PTPRQ: variants seen among roughly 807,000 people sequenced by gnomAD.
The protein encoded by PTPRQ is phosphatidylinositol phosphatase PTPRQ.
Under a neutral mutation model 246.0 loss-of-function variants are expected in PTPRQ, and 199 were observed. The observed-to-expected ratio is 0.81, with a 90% confidence interval of 0.72 to 0.91. The LOEUF is 0.91. Among genes scored for constraint, PTPRQ ranks in the 40% least tolerant of loss-of-function variants. The pLI is 0.00. For synonymous variants in PTPRQ, 869 were observed against 853.2 expected (o/e 1.02, Z -0.32); for missense variants, 2,624 against 2,528.4 (o/e 1.04, Z -0.81).
At chr12:80,640,702 A>G (rs779621290) in intron 35 of PTPRQ, among the ~76,000 whole-genome samples, 1 of 152,130 alleles carries the variant, frequency 6.6e-6, no homozygotes, top group Non-Finnish European at 1.5e-5. Context: ...AAAATACATA[A>G]TATTGAACAT....
chr12:80,594,519 T>C (rs1253581687), intron 26 of PTPRQ, among the ~76,000 whole-genome samples: 1 of 152,184 alleles, frequency 6.6e-6, no homozygotes, highest in Non-Finnish European at 1.5e-5. Flanking sequence ...ATTTCTGTCC[T>C]CTAGGCCCGA....
intron 26 of PTPRQ, among the ~76,000 whole-genome samples, chr12:80,600,168 T>C (rs574029380): frequency 9.1e-4 from 138 of 151,978 alleles, no homozygotes; most frequent in African/African-American, 3.2e-3. Context: ...TGCTTTTTTA[T>C]AATGATTGAT....
intron 17 of PTPRQ, among the ~76,000 whole-genome samples, chr12:80,514,584 T>A (rs1193375832): frequency 7.2e-6 from 1 of 138,478 alleles, no homozygotes; most frequent in Non-Finnish European, 1.5e-5. Context: ...ATATATATAT[T>A]ATATAATATA....
At chr12:80,591,617 T>C (rs1029290836) in intron 26 of PTPRQ, among the ~76,000 whole-genome samples, 10 of 152,214 alleles carry the variant, frequency 6.6e-5, no homozygotes, top group African/African-American at 2.4e-4. Context: ...TTCAGTTTAC[T>C]TTGGGGTTAG....
At chr12:80,670,269 C>T (rs2121284572) in intron 41 of PTPRQ, 75 bp from the exon 42 acceptor site, 1 of 1,515,630 alleles carries the variant, frequency 6.6e-7, no homozygotes, top group East Asian at 2.6e-5. Flanking sequence ...CCTTCAAAAA[C>T]TGGGACTATT....
At chr12:80,495,831 A>T (rs954673960) in intron 12 of PTPRQ, among the ~76,000 whole-genome samples, 168 bp from the exon 13 acceptor site, 5 of 152,028 alleles carry the variant, frequency 3.3e-5, no homozygotes, top group Admixed American at 2.6e-4. Context: ...AGTCACCAAC[A>T]TGGAAAGGCC....
Position 80,457,901 on chromosome 12 carries a change from C to T in PTPRQ, c.460+257C>T, listed in dbSNP as rs902098490. 4.6e-5 allele frequency among the ~76,000 whole-genome samples: 7 copies of T among 152,048 alleles called. No homozygotes were observed. In the South Asian group the frequency reaches 1.5e-3, roughly 32 times the overall value. ...ATAAAAAATGAAAATTATCCATAGA[C>T]TTATCATATAAAAAATGCTTTTATC... On this transcript the variant is annotated intron_variant, in intron 4 of 44. Transcript: ENST00000644991.
Position 80,495,001 on chromosome 12 carries a change from G to A in PTPRQ, c.1609G>A (p.Val537Ile). The change falls in exon 11 of 45, where the codon GTA becomes ATA. Residue 537 changes from valine (V) to isoleucine (I), a missense_variant. By Grantham distance (29) the Val-to-Ile change is conservative. Transcript: ENST00000644991. ...EQLSYVIRRL[V>I]PFTEHMISVS... The stretch of plus-strand genomic sequence containing the variant: ...GCTGTCTTATGTTATCAGGAGACTT[G>A]TACCTTTCACTGAGCACATGATTAG... The A allele has an allele frequency of 2.6e-6, 4 of 1,550,404 alleles. No homozygotes were observed. Among genetic ancestry groups the A allele is most frequent in the Non-Finnish European group, 3.5e-6 (4 of 1,146,182 alleles).
chr12:80,480,039 G>C (rs1893979354), intron 8 of PTPRQ, among the ~76,000 whole-genome samples: 2 of 151,938 alleles, frequency 1.3e-5, no homozygotes. Context: ...GACATCTACA[G>C]AACTCTCCAC....
chr12:80,543,720 C>T (rs1003954309), intron 23 of PTPRQ, among the ~76,000 whole-genome samples: 2 of 152,008 alleles, frequency 1.3e-5, no homozygotes, highest in African/African-American at 4.8e-5. Context: ...CAGGCATTAA[C>T]TTTATGTCAT....
chr12:80,554,452 A>C (rs1896584760), intron 25 of PTPRQ, among the ~76,000 whole-genome samples: 1 of 152,208 alleles, frequency 6.6e-6, no homozygotes. Context: ...TTTGTGGAAG[A>C]TAATTTTATA....
chr12:80,552,193 T>C (rs1592644690), intron 25 of PTPRQ, among the ~76,000 whole-genome samples: 1 of 151,954 alleles, frequency 6.6e-6, no homozygotes, highest in East Asian at 1.9e-4. Context: ...GCAAACAGTG[T>C]CAGAAAGGTC....
intron 39 of PTPRQ, among the ~76,000 whole-genome samples, chr12:80,659,841 G>A (rs565538425): frequency 2.0e-5 from 3 of 152,190 alleles, no homozygotes; most frequent in Admixed American, 2.0e-4. Flanking sequence ...TGCATGGTAA[G>A]CAGGCTCAGA....
chr12:80,554,338 CA>C (rs1406237711), intron 25 of PTPRQ, among the ~76,000 whole-genome samples: 1 of 152,096 alleles, frequency 6.6e-6, no homozygotes, highest in Admixed American at 6.5e-5. Context: ...TAAATACATA[CA>C]CCTACTATGT....
chr12:80,537,076 A>G lies in PTPRQ; in HGVS notation c.2985+2039A>G, dbSNP rs192532047. 2.4e-3 allele frequency among the ~76,000 whole-genome samples: 368 copies of G among 152,320 alleles called. 4 individuals are homozygous for G. The highest frequency in any genetic ancestry group is 8.3e-3 in the African/African-American group (343 of 41,568). ...CAATTCATCTGCCTTAGAACATGTT[A>G]TCTTTTATTAAATAATCTTAAGAAT... is the stretch of plus-strand genomic sequence containing the variant. On this transcript the variant is annotated intron_variant, in intron 19 of 44. Transcript: ENST00000644991.
At chr12:80,478,527 G>C (rs543877499) in intron 8 of PTPRQ, among the ~76,000 whole-genome samples, 1 of 152,228 alleles carries the variant, frequency 6.6e-6, no homozygotes, top group Non-Finnish European at 1.5e-5. Context: ...AAAGCTGGAC[G>C]GAGAACGACT....
chr12:80,617,671 TA>T (rs1394022612), intron 30 of PTPRQ, among the ~76,000 whole-genome samples: 1 of 151,442 alleles, frequency 6.6e-6, no homozygotes, highest in African/African-American at 2.4e-5. Context: ...CAGGCAGACT[TA>T]CGACTTCTAG....
chr12:80,638,393 CTGTATGTTTTCCCA>C (rs1488623167), intron 35 of PTPRQ, among the ~76,000 whole-genome samples: 2 of 151,844 alleles, frequency 1.3e-5, no homozygotes, highest in Admixed American at 1.3e-4. Context: ...TTTCTGAGTC[CTGTATGTTTTCCCA>C]TGTCCAAAAG....
rs977573041 is a variant in PTPRQ at position 80,542,061 on chromosome 12, C to G, written c.3446-28C>G. The G allele has an allele frequency of 6.6e-6, 10 of 1,523,162 alleles. No homozygotes were observed. In the African/African-American group the frequency reaches 1.3e-4, roughly 19 times the overall value. The allele number at this position is 1,523,162 out of a possible 1,614,324, so 94.4% of individuals were successfully genotyped here. On this transcript the variant is annotated intron_variant, in intron 21 of 44. Transcript: ENST00000644991. ...TTTTAATGCTGATTCACTTTTGTTT[C>G]ATTTAATATTCTCTTTTTCTTTTAT...
Sources: gnomAD v4.1 joint callset for allele counts (sites outside exome capture counted in the v4.1 genomes callset) on GRCh38, gnomAD v4.1.1 for gene constraint, MANE v1.5 for transcripts, NCBI Gene and HGNC (gene_info 2026-07-23, HGNC 2026-07-21) for gene names.